FOXP2: variants seen among roughly 807,000 people sequenced by gnomAD.
FOXP2 encodes the protein forkhead box P2, also known as forkhead box protein P2.
In FOXP2, 12 loss-of-function variants were observed where a neutral mutation model predicts 115.8. The observed-to-expected ratio is 0.10, with a 90% CI of 0.07 to 0.17. The LOEUF (loss-of-function observed/expected upper bound fraction) is 0.17. FOXP2 is among the 10% of genes least tolerant of loss of function. The pLI, the probability that FOXP2 is intolerant of heterozygous loss-of-function variation, is 1.00. For missense variants in FOXP2, 629 were observed against 843.5 expected (o/e 0.75, Z 3.15); for synonymous variants, 328 against 297.7 (o/e 1.10, Z -1.05).
At chr7:114,294,302 T>C (rs1440278412) in intron 2 of FOXP2, among the ~76,000 whole-genome samples, 1 of 152,276 alleles carries the variant, frequency 6.6e-6, no homozygotes, top group South Asian at 2.1e-4. Context: ...AATACCCATA[T>C]GCTAACAGGA....
chr7:114,305,494 T>A (rs576807930), intron 2 of FOXP2, among the ~76,000 whole-genome samples: 1 of 152,158 alleles, frequency 6.6e-6, no homozygotes, highest in Non-Finnish European at 1.5e-5. Context: ...TTGAATAAAT[T>A]CTGCTTTTGA....
intron 2 of FOXP2, among the ~76,000 whole-genome samples, chr7:114,466,391 G>A (rs893229706): frequency 1.3e-5 from 2 of 152,116 alleles, no homozygotes; most frequent in African/African-American, 4.8e-5. Context: ...TTTCTTCTTT[G>A]TTCAGATGTC....
At position 114,642,484 on chromosome 7, in the gene FOXP2, A is replaced by G. The variant is rs772009456; in HGVS notation, c.850A>G (p.Ile284Val). 1 of 1,613,902 alleles carries G rather than the reference A, an allele frequency of 6.2e-7. No homozygotes were observed. The highest frequency in any genetic ancestry group is 1.7e-5 in the Admixed American group (1 of 59,996). Residue 284 changes from isoleucine (I) to valine (V), a missense_variant, in exon 7 of 17, where the codon ATT becomes GTT. Transcript: ENST00000350908. ...TGVHSMEDNGIKHGGLDLTTN... is the reference protein window; with the variant it reads ...TGVHSMEDNGVKHGGLDLTTN... ...AGTTCACAGTATGGAAGACAATGGCATTAAACATGGAGGGCTAGACCTCAC... is the reference window on the plus strand; with the variant it reads ...AGTTCACAGTATGGAAGACAATGGCGTTAAACATGGAGGGCTAGACCTCAC...
At chr7:114,457,241 AT>A (rs1021139105) in intron 2 of FOXP2, among the ~76,000 whole-genome samples, 4 of 152,216 alleles carry the variant, frequency 2.6e-5, no homozygotes, top group African/African-American at 7.2e-5. Context: ...GTTTCACTGT[AT>A]ATAAGTATAT....
intron 2 of FOXP2, among the ~76,000 whole-genome samples, chr7:114,453,413 G>A (rs1477846954): frequency 6.6e-6 from 1 of 152,078 alleles, no homozygotes; most frequent in Admixed American, 6.6e-5. Flanking sequence ...ACATAATCTG[G>A]TACATTGTAG....
chr7:114,563,766 C>T (rs1800866443), intron 3 of FOXP2, among the ~76,000 whole-genome samples: 1 of 152,196 alleles, frequency 6.6e-6, no homozygotes, highest in African/African-American at 2.4e-5. Flanking sequence ...GTCAACTTCT[C>T]ATTTACTATT....
At chr7:114,251,969 A>G (rs1207207962) in intron 1 of FOXP2, among the ~76,000 whole-genome samples, 1 of 152,182 alleles carries the variant, frequency 6.6e-6, no homozygotes, top group African/African-American at 2.4e-5. Context: ...CATCCCATCA[A>G]TACCTAATTT....
chr7:114,693,100 G>C lies in FOXP2; in HGVS notation c.*3174G>C, dbSNP rs571497670. 2.2e-6 allele frequency: 1 copy of C among 453,758 alleles called. No homozygotes were observed. The highest frequency in any genetic ancestry group is 2.0e-5 in the African/African-American group (1 of 50,050). The allele number at this position is 453,758 out of a possible 1,614,324, so 28.1% of individuals were successfully genotyped here. A position where few individuals can be genotyped will look rare whatever the true frequency, so the allele number is the denominator to read the frequency against. ...ATTGCTTAAACCTAGTGGGCTTAAG[G>C]CTTATATTCTATGTGGTTGGATTCG... On this transcript the variant is annotated 3_prime_UTR_variant, in exon 17 of 17. Coordinates refer to ENST00000350908, the MANE Select transcript of FOXP2 (RefSeq NM_014491.4).
intron 2 of FOXP2, among the ~76,000 whole-genome samples, chr7:114,517,083 G>T (rs1798382966): frequency 6.6e-6 from 1 of 150,924 alleles, no homozygotes; most frequent in African/African-American, 2.4e-5. Context: ...GTTTTATTTT[G>T]TATTCATCTG....
At chr7:114,420,795 C>T (rs1793586416) in intron 1 of FOXP2, among the ~76,000 whole-genome samples, 2 of 151,582 alleles carry the variant, frequency 1.3e-5, no homozygotes, top group South Asian at 4.1e-4. Flanking sequence ...GATTTTAAAA[C>T]ATTTAAATGA....
intron 2 of FOXP2, among the ~76,000 whole-genome samples, chr7:114,408,118 A>T (rs1351871121): frequency 6.6e-6 from 1 of 152,120 alleles, no homozygotes; most frequent in Non-Finnish European, 1.5e-5. Flanking sequence ...TACTTGTTTC[A>T]TTTATGAGCT....
At chr7:114,380,061 T>TCCTGC (rs1792248503) in intron 2 of FOXP2, among the ~76,000 whole-genome samples, 1 of 152,140 alleles carries the variant, frequency 6.6e-6, no homozygotes, top group Non-Finnish European at 1.5e-5. Flanking sequence ...TAATGGAGGG[T>TCCTGC]CCTGCCTTGC....
chr7:114,581,784 A>G (rs1801883236), intron 3 of FOXP2, among the ~76,000 whole-genome samples: 2 of 152,166 alleles, frequency 1.3e-5, no homozygotes, highest in Admixed American at 1.3e-4. Context: ...TCTTCCCCCT[A>G]GTCCCTGGAA....
At chr7:114,131,331 T>C (rs1048053465) in intron 1 of FOXP2, among the ~76,000 whole-genome samples, 19 of 152,186 alleles carry the variant, frequency 1.2e-4, no homozygotes, top group African/African-American at 2.7e-4. Flanking sequence ...CTGAGTAAAA[T>C]TGGGGGGACC....
chr7:114,143,657 C>T (rs1264442911), intron 1 of FOXP2, among the ~76,000 whole-genome samples: 1 of 152,154 alleles, frequency 6.6e-6, no homozygotes, highest in Non-Finnish European at 1.5e-5. Context: ...ACAGTGCTAG[C>T]TTCTAAAGCT....
intron 2 of FOXP2, among the ~76,000 whole-genome samples, chr7:114,513,083 A>C (rs184698755): frequency 6.2e-4 from 95 of 152,300 alleles, no homozygotes; most frequent in Non-Finnish European, 1.3e-3. Flanking sequence ...ACTCCATCTC[A>C]AAACAAAACA....
intron 3 of FOXP2, among the ~76,000 whole-genome samples, chr7:114,582,379 C>A (rs964091505): frequency 4.6e-5 from 7 of 152,136 alleles, no homozygotes; most frequent in Admixed American, 4.6e-4. Flanking sequence ...TGATTATCAC[C>A]TTTTAGGGAT....
rs77451307 is a variant in FOXP2, at chr7:114,636,064, A to G, written c.775+4359A>G. On this transcript the variant is annotated intron_variant, in intron 6 of 16. Coordinates refer to ENST00000350908, the MANE Select transcript of FOXP2 (RefSeq NM_014491.4). ...TTAATTCACCTCTCATTAGACAAGC[A>G]TTTTAAAGATAGGCATTGTATCTGT... 7.2e-5 allele frequency among the ~76,000 whole-genome samples: 11 copies of G among 152,304 alleles called. No homozygotes were observed. The East Asian group carries it at 2.1e-3, about 29-fold the overall frequency.
intron 2 of FOXP2, among the ~76,000 whole-genome samples, chr7:114,449,601 C>T (rs1794984419): frequency 6.6e-6 from 1 of 152,056 alleles, no homozygotes. Flanking sequence ...TTTATCATCA[C>T]TAACCTCTCT....
Sources: gnomAD v4.1 joint callset for allele counts (sites outside exome capture counted in the v4.1 genomes callset) on GRCh38, gnomAD v4.1.1 for gene constraint, MANE v1.5 for transcripts, NCBI Gene and HGNC (gene_info 2026-07-23, HGNC 2026-07-21) for gene names.